MYO1H: variants seen among roughly 807,000 people sequenced by gnomAD.
The protein encoded by MYO1H is myosin IH.
A neutral mutation model predicts 149.3 loss-of-function variants in MYO1H; 118 were observed. The observed-to-expected ratio is 0.79, with a 90% CI of 0.68 to 0.92. The LOEUF is 0.92. Among genes scored for constraint, MYO1H ranks in the 40% least tolerant of loss-of-function variants. MYO1H has a pLI of 0.00. For missense variants in MYO1H, 1,212 were observed against 1,280.7 expected (o/e 0.95, Z 0.82); for synonymous variants, 447 against 465.2 (o/e 0.96, Z 0.50).
intron 17 of MYO1H, 124 bp from the exon 18 acceptor site, chr12:109,425,822 C>A: frequency 7.0e-6 from 5 of 717,344 alleles, no homozygotes; most frequent in Non-Finnish European, 7.2e-6. Flanking sequence ...ACTAGGAAGA[C>A]AATCTGTCAA....
chr12:109,364,779 T>C (rs1001744002), intron 1 of MYO1H, among the ~76,000 whole-genome samples: 1 of 152,178 alleles, frequency 6.6e-6, no homozygotes, highest in South Asian at 2.1e-4. Flanking sequence ...TTTTTCCATA[T>C]GATAATGTTA....
At chr12:109,392,251 T>C (rs1170870587) in intron 2 of MYO1H, among the ~76,000 whole-genome samples, 2 of 152,240 alleles carry the variant, frequency 1.3e-5, no homozygotes, top group Non-Finnish European at 2.9e-5. Context: ...GCCTGCTCCA[T>C]CTTCGACATC....
upstream of MYO1H, among the ~76,000 whole-genome samples, chr12:109,346,034 A>C (rs1243435317): frequency 6.6e-6 from 1 of 152,202 alleles, no homozygotes; most frequent in Non-Finnish European, 1.5e-5. Flanking sequence ...ATGATTGCAC[A>C]ACATTGTGAA....
chr12:109,357,656 T>C (rs1309401822), intron 1 of MYO1H, among the ~76,000 whole-genome samples: 3 of 151,662 alleles, frequency 2.0e-5, no homozygotes. Flanking sequence ...TGATTTTTTT[T>C]CTCCCAACCA....
intron 14 of MYO1H, among the ~76,000 whole-genome samples, chr12:109,412,649 C>T (rs1870724208): frequency 6.6e-6 from 1 of 151,976 alleles, no homozygotes; most frequent in Non-Finnish European, 1.5e-5. Flanking sequence ...CCATGCGGAT[C>T]AGATATAGAG....
chr12:109,367,804 C>T (rs999690885), intron 1 of MYO1H, among the ~76,000 whole-genome samples: 3 of 152,034 alleles, frequency 2.0e-5, no homozygotes, highest in Admixed American at 6.6e-5. Context: ...CGCTCGCCTC[C>T]GCCTCCCAAA....
exon 24 of MYO1H, chr12:109,439,712 C>T (rs1872032186): frequency 6.2e-7 from 1 of 1,613,858 alleles, no homozygotes; most frequent in Non-Finnish European, 8.5e-7. Flanking sequence ...GGAAGAATTA[C>T]ATCTTGAATC....
intron 5 of MYO1H, among the ~76,000 whole-genome samples, chr12:109,400,176 T>C (rs910471855): frequency 6.6e-6 from 1 of 152,252 alleles, no homozygotes; most frequent in Non-Finnish European, 1.5e-5. Flanking sequence ...TGTTCTACTT[T>C]TGATGGACAT....
rs895201199 is a variant in MYO1H at position 109,394,587 on chromosome 12, A to G, written c.290+1141A>G. Among the ~76,000 whole-genome samples the G allele has an allele frequency of 5.5e-5, 8 of 146,136 alleles. 1 individual carries two copies. The highest frequency in any genetic ancestry group is 5.3e-4 in the Admixed American group (8 of 14,966). ...TTCTAATAGTTATTTAACATTCAAAACAATGACTACCAAAAAAAAAAAAGG... is the reference window on the plus strand; with the variant it reads ...TTCTAATAGTTATTTAACATTCAAAGCAATGACTACCAAAAAAAAAAAAGG... On this transcript the variant is annotated intron_variant, in intron 3 of 31. Transcript: ENST00000310903.
chr12:109,333,104 G>A, the MYO1H span, among the ~76,000 whole-genome samples: 1 of 152,178 alleles, frequency 6.6e-6, no homozygotes, highest in African/African-American at 2.4e-5. Context: ...TGGATCACCT[G>A]AGGTCAGGAG....
intron 2 of MYO1H, among the ~76,000 whole-genome samples, chr12:109,389,249 C>A (rs77206771): frequency 0.058 from 8,893 of 152,192 alleles, 844 homozygotes; most frequent in African/African-American, 0.2. Context: ...TGCAGAGAAG[C>A]GAGCCAATAC....
intron 14 of MYO1H, among the ~76,000 whole-genome samples, chr12:109,414,920 C>T (rs1360613549): frequency 6.6e-6 from 1 of 151,996 alleles, no homozygotes; most frequent in African/African-American, 2.4e-5. Flanking sequence ...CTGTGTTGCC[C>T]AGACTAATCT....
Position 109,411,993 on chromosome 12 carries a change from C to T in MYO1H, c.1502+8C>T. 6.4e-7 allele frequency: 1 copy of T among 1,564,110 alleles called. No homozygotes were observed. The highest frequency in any genetic ancestry group is 8.7e-7 in the Non-Finnish European group (1 of 1,153,596). ...ACATGCACACTTCGAAACGTACATA[C>T]TTTATTTTACCAGATTTTGCATGGG... On this transcript the variant is annotated splice_region_variant and intron_variant, in intron 14 of 31. Transcript: ENST00000310903.
At chr12:109,360,757 G>A (rs1026811822) in intron 1 of MYO1H, among the ~76,000 whole-genome samples, 1 of 152,198 alleles carries the variant, frequency 6.6e-6, no homozygotes, top group African/African-American at 2.4e-5. Flanking sequence ...TTGTGAATTA[G>A]AGAGGTTAAC....
At chr12:109,398,162 A>C (rs1869996448) in intron 5 of MYO1H, among the ~76,000 whole-genome samples, 1 of 152,240 alleles carries the variant, frequency 6.6e-6, no homozygotes, top group Non-Finnish European at 1.5e-5. Flanking sequence ...AAGCTGAAAA[A>C]ACATAATGTA....
At chr12:109,436,456 C>T in intron 21 of MYO1H, 32 bp from the exon 22 acceptor site, 2 of 1,550,426 alleles carry the variant, frequency 1.3e-6, no homozygotes, top group African/African-American at 2.7e-5. Context: ...AAATGCAAAG[C>T]CATTTCACCA....
intron 5 of MYO1H, among the ~76,000 whole-genome samples, chr12:109,398,932 C>CA (rs1480493897): frequency 6.6e-6 from 1 of 151,884 alleles, no homozygotes; most frequent in African/African-American, 2.4e-5. Flanking sequence ...CAGCCATGGA[C>CA]AATGCGTAAG....
At chr12:109,339,871 AATTC>A in the MYO1H span, among the ~76,000 whole-genome samples, 1 of 152,230 alleles carries the variant, frequency 6.6e-6, no homozygotes, top group African/African-American at 2.4e-5. Context: ...TGGGAATGTC[AATTC>A]ATTCATCTTT....
At chr12:109,445,964 G>A in intron 31 of MYO1H, 3 of 985,390 alleles carry the variant, frequency 3.0e-6, no homozygotes, top group Non-Finnish European at 3.6e-6. Flanking sequence ...GGAAATCAAT[G>A]CGCTTGTGTC....
Sources: allele counts gnomAD v4.1 joint callset (sites outside exome capture counted in the v4.1 genomes callset), GRCh38; gene constraint gnomAD v4.1.1; transcripts MANE v1.5; gene names NCBI Gene and HGNC (gene_info 2026-07-23, HGNC 2026-07-21).